LCORL: variants seen among roughly 807,000 people sequenced by gnomAD.
LCORL encodes the protein ligand dependent nuclear receptor corepressor like, also known as ligand-dependent nuclear receptor corepressor-like protein.
Under a neutral mutation model 141.8 loss-of-function variants are expected in LCORL, and 41 were observed. The ratio of observed to expected loss-of-function variants is 0.29; its 90% confidence interval spans 0.23 to 0.38. The LOEUF (loss-of-function observed/expected upper bound fraction) is 0.38, where lower values mean the gene tolerates loss of function less well. Among genes scored for constraint, LCORL ranks in the 10% least tolerant of loss-of-function variants. LCORL has a pLI of 1.00. For synonymous variants in LCORL, 618 were observed against 694.1 expected, an observed-to-expected ratio of 0.89 and a Z score of 1.72; for missense variants, 1,759 against 2,035.0, an observed-to-expected ratio of 0.86 and a Z score of 2.61.
chr4:17,903,207 GAC>G (rs1165076666), intron 5 of LCORL, among the ~76,000 whole-genome samples: 1 of 151,974 alleles, frequency 6.6e-6, no homozygotes, highest in Non-Finnish European at 1.5e-5. Flanking sequence ...AGTGAAAAAA[GAC>G]AAGTTTCCTG....
chr4:18,021,720 G>A lies in LCORL; in HGVS notation c.32C>T (p.Ala11Val). The change falls in exon 1 of 8, where the codon GCC becomes GTC. Residue 11 changes from alanine to valine, a missense_variant. Physicochemically the swap from Ala to Val is moderately conservative, Grantham distance 64. This residue lies in a region of LCORL where 86 missense variants were observed against 61.8 expected (regional missense o/e 1.39). Coordinates refer to ENST00000635767, the Ensembl canonical transcript of LCORL. The surrounding 1 kb of genome is among the most constrained non-coding windows in gnomAD (Gnocchi z 5.5). Reference sequence around the variant, plus strand: ...GGCGGCGGCGGCAGCAGCGGCGGCGGCAGCGGCCATTCTCTCTCTTCCCTT... The same window carrying A: ...GGCGGCGGCGGCAGCAGCGGCGGCGACAGCGGCCATTCTCTCTCTTCCCTT... 9.2e-6 allele frequency: 14 copies of A among 1,526,226 alleles called. 1 individual carries two copies. The highest frequency in any genetic ancestry group is 3.7e-5 in the South Asian group (3 of 81,168). 94.5% of individuals were successfully genotyped at this position (1,526,226 alleles called of 1,614,324 possible). A position where few individuals can be genotyped will look rare whatever the true frequency, so the allele number is the denominator to read the frequency against.
intron 6 of LCORL, chr4:17,880,751 T>A: frequency 1.0e-6 from 1 of 965,668 alleles, no homozygotes; most frequent in Non-Finnish European, 1.2e-6. Context: ...ATTCATACAA[T>A]CAGATTTAGA....
intron 5 of LCORL, among the ~76,000 whole-genome samples, chr4:17,896,019 G>C (rs1356826711): frequency 6.6e-6 from 1 of 152,138 alleles, no homozygotes; most frequent in Non-Finnish European, 1.5e-5. Context: ...ACAAGTTTTT[G>C]TGTGGACATA....
intron 7 of LCORL, among the ~76,000 whole-genome samples, chr4:17,867,628 T>C (rs1432228674): frequency 6.6e-6 from 1 of 152,244 alleles, no homozygotes; most frequent in Non-Finnish European, 1.5e-5. Flanking sequence ...TTGAAATATC[T>C]TCTAGATAAA....
intron 7 of LCORL, among the ~76,000 whole-genome samples, chr4:17,849,898 A>AACCAAAACAGCATGGTACTGGT (rs1723421455): frequency 1.3e-5 from 2 of 151,896 alleles, no homozygotes; most frequent in African/African-American, 2.4e-5. Context: ...AGGCTACAGT[A>AACCAAAACAGCATGGTACTGGT]ACCAAAACAG....
At chr4:17,930,445 A>G (rs994442509) in intron 4 of LCORL, among the ~76,000 whole-genome samples, 2 of 152,204 alleles carry the variant, frequency 1.3e-5, no homozygotes, top group African/African-American at 4.8e-5. Context: ...TCTTGTTCCA[A>G]TTTTAGTTGG....
intron 6 of LCORL, chr4:17,883,673 AACACACACAC>A (rs139656197): frequency 2.3e-6 from 3 of 1,316,062 alleles, no homozygotes; most frequent in Non-Finnish European, 3.0e-6. Context: ...CACACACGCA[AACACACACAC>A]ACACACACAC....
At chr4:17,883,789 T>C in intron 6 of LCORL, 1 of 1,550,632 alleles carries the variant, frequency 6.4e-7, no homozygotes, top group Non-Finnish European at 8.7e-7. Flanking sequence ...ACCCAGTGTC[T>C]GGTAATCGTA....
At chr4:17,868,720 A>G (rs1725972344) in intron 7 of LCORL, among the ~76,000 whole-genome samples, 1 of 152,102 alleles carries the variant, frequency 6.6e-6, no homozygotes, top group African/African-American at 2.4e-5. Context: ...CTCTGCTTTG[A>G]TCATATAGCT....
intron 7 of LCORL, among the ~76,000 whole-genome samples, chr4:17,856,869 C>A (rs1048757545): frequency 1.3e-5 from 2 of 152,096 alleles, no homozygotes; most frequent in African/African-American, 4.8e-5. Context: ...AAGTAGCTCC[C>A]CCTAGAAACT....
rs189428668 is a variant in LCORL at position 17,909,204 on chromosome 4, A to C, written c.572T>G (p.Ile191Arg). The C allele has an allele frequency of 6.8e-6, 11 of 1,613,638 alleles. No homozygotes were observed. In the East Asian group the frequency reaches 2.5e-4, roughly 36 times the overall value. ...ATTCATTTGGATACTTTTACATACT[A>C]TACTTGGTCCAATTGAACCATTTCT... Residue 191 changes from isoleucine to arginine, a missense_variant, in exon 5 of 8, where the codon ATA becomes AGA. Physicochemically the swap from Ile to Arg is moderately conservative, Grantham distance 97. Transcript: ENST00000635767.
chr4:17,975,401 TG>T (rs1202920532), intron 1 of LCORL, among the ~76,000 whole-genome samples: 3 of 151,924 alleles, frequency 2.0e-5, no homozygotes, highest in African/African-American at 7.3e-5. Context: ...TGAATTCTTT[TG>T]TTTTTTTTTT....
At chr4:17,890,665 T>G (rs527502798) in intron 5 of LCORL, among the ~76,000 whole-genome samples, 1 of 152,168 alleles carries the variant, frequency 6.6e-6, no homozygotes, top group East Asian at 1.9e-4. Context: ...CAAACGCTAT[T>G]GTAAAATGTA....
intron 1 of LCORL, among the ~76,000 whole-genome samples, chr4:17,982,788 T>G (rs903116932): frequency 3.3e-5 from 5 of 152,210 alleles, no homozygotes; most frequent in African/African-American, 1.2e-4. Flanking sequence ...ATTTGCCAAT[T>G]TTTGTTTTCA....
intron 7 of LCORL, among the ~76,000 whole-genome samples, chr4:17,872,368 G>A (rs1468752993): frequency 1.3e-5 from 2 of 151,984 alleles, no homozygotes; most frequent in African/African-American, 4.8e-5. Context: ...GAATTGTCTT[G>A]GGCCACACAT....
chr4:17,996,579 T>C (rs981607885), intron 1 of LCORL, among the ~76,000 whole-genome samples: 36 of 152,064 alleles, frequency 2.4e-4, no homozygotes, highest in African/African-American at 8.0e-4. Context: ...AAATGACAGA[T>C]GGGAATTTCA....
At chr4:17,976,179 T>A (rs780695108) in intron 1 of LCORL, among the ~76,000 whole-genome samples, 2 of 152,234 alleles carry the variant, frequency 1.3e-5, no homozygotes, top group Non-Finnish European at 2.9e-5. Flanking sequence ...TTGTGGACAA[T>A]AGAGTTGAAT....
chr4:17,972,830 A>G (rs1230216308), exon 2 of LCORL: 1 of 1,431,328 alleles, frequency 7.0e-7, no homozygotes, highest in Non-Finnish European at 9.2e-7. Context: ...CTTCAAATAA[A>G]CTGAGGTCTC....
intron 2 of LCORL, among the ~76,000 whole-genome samples, chr4:17,967,459 A>C (rs906902583): frequency 9.8e-5 from 15 of 152,306 alleles, no homozygotes; most frequent in African/African-American, 3.6e-4. Context: ...ATGCTAATAT[A>C]CAGGGACCTG....
Sources: gnomAD v4.1 joint callset for allele counts (sites outside exome capture counted in the v4.1 genomes callset) on GRCh38, gnomAD v4.1.1 for gene constraint, gnomAD v4.1.1 regional missense constraint, Gnocchi (gnomAD v3.1) non-coding constraint, MANE v1.5 for transcripts, NCBI Gene and HGNC (gene_info 2026-07-23, HGNC 2026-07-21) for gene names.